Variants in CYSTM1 observed in about 807,000 individuals in gnomAD.
The protein encoded by CYSTM1 is cysteine-rich transmembrane module-containing protein 1.
In CYSTM1, 4 loss-of-function variants were observed where a neutral mutation model predicts 13.1. The observed-to-expected ratio is 0.31, with a 90% CI of 0.15 to 0.70. CYSTM1 has a LOEUF of 0.70. Among genes scored for constraint, CYSTM1 ranks in the 30% least tolerant of loss-of-function variants. CYSTM1 has a pLI of 0.72. For missense variants in CYSTM1, 96 were observed against 121.6 expected, an observed-to-expected ratio of 0.79 and a Z score of 0.99; for synonymous variants, 36 against 42.7, an observed-to-expected ratio of 0.84 and a Z score of 0.62.
intron 2 of CYSTM1, among the ~76,000 whole-genome samples, chr5:140,242,190 T>C (rs765640336): frequency 6.6e-6 from 1 of 152,106 alleles, no homozygotes; most frequent in Non-Finnish European, 1.5e-5. Flanking sequence ...CAAATGCAAG[T>C]GGACTAGGAT....
intron 2 of CYSTM1, among the ~76,000 whole-genome samples, chr5:140,208,114 C>G (rs1284913242): frequency 6.6e-6 from 1 of 152,174 alleles, no homozygotes; most frequent in Non-Finnish European, 1.5e-5. Context: ...GGAAGGAAAT[C>G]AATATATCAA....
intron 2 of CYSTM1, among the ~76,000 whole-genome samples, chr5:140,226,407 T>A (rs1202903303): frequency 6.9e-5 from 10 of 145,564 alleles, no homozygotes. Flanking sequence ...GGTAGGCGGA[T>A]CACTTGAGGT....
chr5:140,242,702 G>A (rs1030459727), intron 2 of CYSTM1, among the ~76,000 whole-genome samples: 8 of 152,150 alleles, frequency 5.3e-5, no homozygotes, highest in Non-Finnish European at 8.8e-5. Context: ...GGAAAAGTGA[G>A]CATGCTAGGC....
rs1356461843 is a variant in CYSTM1, at chr5:140,194,669, A to T, written c.187+17A>T. 1 of 1,602,216 alleles carries T rather than the reference A, an allele frequency of 6.2e-7. No homozygotes were observed. ...AAACCACAGGTGTGTGTCTCTGAAT[A>T]TGTGGGTGTGCAGTCCCGTGTCACT... is the stretch of plus-strand genomic sequence containing the variant. On this transcript the variant is annotated intron_variant, in intron 2 of 2. Coordinates refer to ENST00000261811, the MANE Select transcript of CYSTM1 (RefSeq NM_032412.4).
At chr5:140,221,958 C>T (rs550522336) in intron 2 of CYSTM1, among the ~76,000 whole-genome samples, 2 of 152,328 alleles carry the variant, frequency 1.3e-5, no homozygotes, top group African/African-American at 4.8e-5. Flanking sequence ...TTCAGCTGGC[C>T]ACTTCCTTAT....
rs1764605012 is a variant in CYSTM1, at chr5:140,230,343, A to G, written c.188-12962A>G. ...TGACACTGGGTTTTTGAGAAAAGAA[A>G]TGCTTTTATTATAAGTTAACAATTA... On this transcript the variant is annotated intron_variant, in intron 2 of 2. Coordinates refer to ENST00000261811, the MANE Select transcript of CYSTM1 (RefSeq NM_032412.4). The surrounding 1 kb of genome is among the most constrained non-coding windows in gnomAD (Gnocchi z 4.1). Among the ~76,000 whole-genome samples, 1 of 152,338 alleles carries G rather than the reference A, an allele frequency of 6.6e-6. No individual in the cohort carries two copies. Among genetic ancestry groups the G allele is most frequent in the East Asian group, 1.9e-4 (1 of 5,186 alleles).
chr5:140,175,575 C>T lies in CYSTM1; in HGVS notation c.-21+290C>T, dbSNP rs962715013. ...AGGGTCTCCGCGTCGCTGCGGTTCTCGTCTCACGAGGAGTCGGCGGGCTCG... is the reference window on the plus strand; with the variant it reads ...AGGGTCTCCGCGTCGCTGCGGTTCTTGTCTCACGAGGAGTCGGCGGGCTCG... On this transcript the variant is annotated intron_variant, in intron 1 of 2. Transcript: ENST00000261811. The surrounding 1 kb of genome is among the most constrained non-coding windows in gnomAD (Gnocchi z 4.9). 1.3e-5 allele frequency among the ~76,000 whole-genome samples: 2 copies of T among 152,232 alleles called. No homozygotes were observed. The highest frequency in any genetic ancestry group is 2.4e-5 in the African/African-American group (1 of 41,476).
intron 2 of CYSTM1, among the ~76,000 whole-genome samples, chr5:140,212,468 T>C (rs1312228903): frequency 3.9e-5 from 6 of 152,140 alleles, no homozygotes; most frequent in Non-Finnish European, 8.8e-5. Flanking sequence ...TAAATGACTG[T>C]GTTACTGGCT....
intron 2 of CYSTM1, among the ~76,000 whole-genome samples, chr5:140,223,222 G>GAGA (rs1276167192): frequency 1.3e-5 from 2 of 152,220 alleles, no homozygotes; most frequent in Non-Finnish European, 2.9e-5. Context: ...TGTTGCAAAG[G>GAGA]AGAAGGAGGA....
chr5:140,221,601 C>T (rs1033309006), intron 2 of CYSTM1, among the ~76,000 whole-genome samples: 20 of 152,176 alleles, frequency 1.3e-4, no homozygotes, highest in African/African-American at 4.3e-4. Context: ...TACCACATTT[C>T]GTTTATCCAT....
chr5:140,241,174 C>A (rs1054646692), intron 2 of CYSTM1, among the ~76,000 whole-genome samples: 3 of 152,214 alleles, frequency 2.0e-5, no homozygotes. Flanking sequence ...CCTGATTAAA[C>A]TGGAGGAAAA....
intron 2 of CYSTM1, among the ~76,000 whole-genome samples, chr5:140,218,331 C>G (rs1764455515): frequency 6.6e-6 from 1 of 152,110 alleles, no homozygotes; most frequent in Non-Finnish European, 1.5e-5. Flanking sequence ...TATGCAATGC[C>G]CATGTTGCTT....
At chr5:140,180,213 C>T (rs1161693984) in intron 1 of CYSTM1, among the ~76,000 whole-genome samples, 1 of 152,054 alleles carries the variant, frequency 6.6e-6, no homozygotes, top group African/African-American at 2.4e-5. Flanking sequence ...TAAAATTTCC[C>T]TCACCTGTGT....
At chr5:140,209,852 G>A (rs576011758) in intron 2 of CYSTM1, among the ~76,000 whole-genome samples, 14 of 152,220 alleles carry the variant, frequency 9.2e-5, no homozygotes, top group East Asian at 3.9e-4. Context: ...GAGCCACCGC[G>A]CCTGGCTGTT....
At chr5:140,197,370 A>T (rs1013530229) in intron 2 of CYSTM1, among the ~76,000 whole-genome samples, 3 of 152,242 alleles carry the variant, frequency 2.0e-5, no homozygotes, top group African/African-American at 7.2e-5. Flanking sequence ...ATCACGATTG[A>T]TTTCACAAAT....
chr5:140,219,352 A>G lies in CYSTM1; in HGVS notation c.188-23953A>G, dbSNP rs1764464836. On this transcript the variant is annotated intron_variant, in intron 2 of 2. Coordinates refer to ENST00000261811, the MANE Select transcript of CYSTM1 (RefSeq NM_032412.4). The surrounding 1 kb of genome is among the most constrained non-coding windows in gnomAD (Gnocchi z 4.1). ...CAGGCACCCTGCACAGTTCTTTGCA[A>G]ATCTACAAGGAATGGCCTTTGTTTC... is the stretch of plus-strand genomic sequence containing the variant. Among the ~76,000 whole-genome samples the G allele has an allele frequency of 1.3e-5, 2 of 152,174 alleles. No homozygotes were observed. The highest frequency in any genetic ancestry group is 1.5e-5 in the Non-Finnish European group (1 of 68,030).
intron 2 of CYSTM1, among the ~76,000 whole-genome samples, chr5:140,208,789 CA>C (rs1764328691): frequency 6.6e-6 from 1 of 152,090 alleles, no homozygotes; most frequent in Admixed American, 6.5e-5. Context: ...CCTATAATCC[CA>C]GCACTTTGGG....
At chr5:140,209,268 T>C (rs1212683348) in intron 2 of CYSTM1, among the ~76,000 whole-genome samples, 1 of 143,354 alleles carries the variant, frequency 7.0e-6, no homozygotes, top group Non-Finnish European at 1.5e-5. Flanking sequence ...TTCTTTCTTT[T>C]CTTTTTTTTT....
chr5:140,198,567 T>G (rs572154516), intron 2 of CYSTM1, among the ~76,000 whole-genome samples: 2 of 152,370 alleles, frequency 1.3e-5, no homozygotes, highest in African/African-American at 4.8e-5. Context: ...GCCAGGATTT[T>G]GGGCTAGGCC....
Sources: gnomAD v4.1 joint callset for allele counts (sites outside exome capture counted in the v4.1 genomes callset) on GRCh38, gnomAD v4.1.1 for gene constraint, Gnocchi (gnomAD v3.1) non-coding constraint, MANE v1.5 for transcripts, NCBI Gene and HGNC (gene_info 2026-07-23, HGNC 2026-07-21) for gene names.